The following CNGB1 variants were observed in gnomAD, a reference collection of about 807,000 sequenced individuals.
The protein encoded by CNGB1 is cyclic nucleotide-gated channel beta-1.
A neutral mutation model predicts 151.7 loss-of-function variants in CNGB1; 126 were observed. That is an observed-to-expected ratio of 0.83 (90% CI 0.72 to 0.96). The LOEUF (loss-of-function observed/expected upper bound fraction) is 0.96. CNGB1 is among the 40% of genes least tolerant of loss of function. The pLI, the probability that CNGB1 is intolerant of heterozygous loss-of-function variation, is 0.00. For missense variants in CNGB1, 1,698 were observed against 1,627.0 expected, an observed-to-expected ratio of 1.04 and a Z score of -0.75; for synonymous variants, 623 against 635.1, an observed-to-expected ratio of 0.98 and a Z score of 0.29.
Position 57,897,833 on chromosome 16 carries a change from C to T in CNGB1, c.3058G>A (p.Val1020Met), listed in dbSNP as rs747778655. 2 of 1,614,242 alleles carry T rather than the reference C, an allele frequency of 1.2e-6. No homozygotes were observed. Among genetic ancestry groups the T allele is most frequent in the Non-Finnish European group, 1.7e-6 (2 of 1,180,048 alleles). Residue 1020 changes from valine to methionine, a missense_variant, in exon 30 of 33, where the codon GTG (valine) becomes ATG (methionine). Physicochemically the swap from Val to Met is conservative, Grantham distance 21. Coordinates refer to ENST00000251102, the MANE Select transcript of CNGB1 (RefSeq NM_001297.5). ...LGGPDGKSVL[V>M]TLKAGSVFGE... is the part of the protein sequence containing the mutation. ...AACACAGATCCAGCTTTCAGCGTCA[C>T]CAGCACAGATTTCCCATCAGGGCCG... is the stretch of plus-strand genomic sequence containing the variant.
chr16:57,900,307 C>T (rs1241759782), intron 29 of CNGB1, among the ~76,000 whole-genome samples: 6 of 152,368 alleles, frequency 3.9e-5, no homozygotes, highest in Admixed American at 2.0e-4. Flanking sequence ...CACCCCGGCT[C>T]TCTGCTTCCA....
intron 17 of CNGB1, among the ~76,000 whole-genome samples, chr16:57,924,135 T>C (rs1438834696): frequency 6.6e-6 from 1 of 152,092 alleles, no homozygotes; most frequent in Non-Finnish European, 1.5e-5. Context: ...GGAGCCTGGG[T>C]GTCTGACTTG....
intron 25 of CNGB1, among the ~76,000 whole-genome samples, chr16:57,906,918 A>T (rs1207698647): frequency 6.6e-6 from 1 of 152,168 alleles, no homozygotes. Context: ...CTGGGGCGGG[A>T]TGCAGGGCCT....
At chr16:57,955,262 A>G (rs1597008940) in intron 12 of CNGB1, 4 of 1,548,898 alleles carry the variant, frequency 2.6e-6, no homozygotes, top group Non-Finnish European at 3.5e-6. Context: ...CTCCCCCGGG[A>G]AGGTCTTCTC....
Position 57,940,385 on chromosome 16 carries a change from G to A in CNGB1, c.1122-64C>T. 2.7e-6 allele frequency: 4 copies of A among 1,489,918 alleles called. No homozygotes were observed. The Admixed American group carries it at 5.9e-5, about 22-fold the overall frequency. The allele number at this position is 1,489,918 out of a possible 1,614,324, so 92.3% of individuals were successfully genotyped here. A position where few individuals can be genotyped will look rare whatever the true frequency, so the allele number is the denominator to read the frequency against. ...GGTTAGGGTGTTAAAGGTTTCCCCA[G>A]CCCTGCTGAGGGCCACGCTCTGTGC... On this transcript the variant is annotated intron_variant, in intron 14 of 32. Coordinates refer to ENST00000251102, the MANE Select transcript of CNGB1 (RefSeq NM_001297.5).
At chr16:57,911,171 A>G (rs1960699281) in intron 25 of CNGB1, among the ~76,000 whole-genome samples, 1 of 152,134 alleles carries the variant, frequency 6.6e-6, no homozygotes, top group African/African-American at 2.4e-5. Flanking sequence ...TGCACACCCT[A>G]ATAGAGTTTG....
chr16:57,925,581 A>G (rs963708953), intron 17 of CNGB1, among the ~76,000 whole-genome samples: 10 of 152,338 alleles, frequency 6.6e-5, no homozygotes, highest in Admixed American at 2.0e-4. Context: ...TGGTGAACAC[A>G]GGGCAGCCTT....
chr16:57,890,302 A>G (rs1019134232), intron 31 of CNGB1, among the ~76,000 whole-genome samples: 3 of 152,218 alleles, frequency 2.0e-5, no homozygotes, highest in Non-Finnish European at 4.4e-5. Flanking sequence ...CTAGCTGGAG[A>G]TCCCCCAGGA....
At chr16:57,940,354 G>A in intron 14 of CNGB1, 33 bp from the exon 15 acceptor site, 1 of 1,552,958 alleles carries the variant, frequency 6.4e-7, no homozygotes, top group Non-Finnish European at 8.7e-7. Context: ...GAGGATAAAA[G>A]GACTGGGTTA....
chr16:57,962,046 C>A (rs1014257821), intron 7 of CNGB1, among the ~76,000 whole-genome samples: 3 of 152,198 alleles, frequency 2.0e-5, no homozygotes, highest in Non-Finnish European at 2.9e-5. Context: ...AGGGCCTAAA[C>A]GCCAGCAAGG....
At chr16:57,939,986 G>A (rs1041203965) in intron 15 of CNGB1, among the ~76,000 whole-genome samples, 5 of 152,202 alleles carry the variant, frequency 3.3e-5, no homozygotes, top group African/African-American at 7.2e-5. Context: ...GTGGGGAGGC[G>A]ACTTGCCCCA....
rs1414120570 is a variant in CNGB1 at position 57,931,825 on chromosome 16, T to C, written c.1426A>G (p.Ser476Gly). The change falls in exon 17 of 33, where the codon AGC (serine) becomes GGC (glycine). Residue 476 changes from serine (S) to glycine (G), a missense_variant. By Grantham distance (56) the Ser-to-Gly change is moderately conservative. Transcript: ENST00000251102. ...TTCTCTTCTGCCATGAGGGGGCAGC[T>C]ATCAGCATCAGTATCTTCCACCTGC... ...EVQVEDTDAD[S>G]CPLMAEENPP... The C allele has an allele frequency of 3.1e-6, 5 of 1,614,024 alleles. No individual in the cohort carries two copies. The African/African-American group carries it at 6.7e-5, about 22-fold the overall frequency.
chr16:57,946,029 G>C (rs978087478), intron 14 of CNGB1, among the ~76,000 whole-genome samples: 1 of 152,190 alleles, frequency 6.6e-6, no homozygotes, highest in South Asian at 2.1e-4. Context: ...TATGGCCCCT[G>C]CTTGACAGGG....
At chr16:57,902,645 C>T (rs1281549527) in intron 27 of CNGB1, among the ~76,000 whole-genome samples, 1 of 151,312 alleles carries the variant, frequency 6.6e-6, no homozygotes, top group Non-Finnish European at 1.5e-5. Context: ...TGTTCTGTCA[C>T]TCAGGCTAGA....
intron 1 of CNGB1, among the ~76,000 whole-genome samples, chr16:57,968,867 A>T (rs1597019742): frequency 7.1e-5 from 7 of 98,974 alleles, no homozygotes; most frequent in African/African-American, 3.0e-4. Context: ...TCTCTATTTA[A>T]AAAAAAAAAA....
chr16:57,928,296 T>C (rs1961248533), intron 17 of CNGB1, among the ~76,000 whole-genome samples: 1 of 152,164 alleles, frequency 6.6e-6, no homozygotes, highest in South Asian at 2.1e-4. Context: ...GAAAGGAGCC[T>C]AAGGGCAGAG....
intron 31 of CNGB1, among the ~76,000 whole-genome samples, chr16:57,894,926 G>A (rs1352620969): frequency 6.6e-6 from 1 of 152,226 alleles, no homozygotes; most frequent in Non-Finnish European, 1.5e-5. Flanking sequence ...TTAAAGGGTA[G>A]TGGAGGAAGA....
intron 12 of CNGB1, among the ~76,000 whole-genome samples, chr16:57,953,610 C>T (rs1161886986): frequency 6.6e-6 from 1 of 152,094 alleles, no homozygotes. Flanking sequence ...CCCACCTGGA[C>T]CCCTGGGTCT....
intron 29 of CNGB1, 141 bp from the exon 30 acceptor site, chr16:57,898,055 G>A: frequency 2.4e-6 from 2 of 820,204 alleles, no homozygotes; most frequent in Non-Finnish European, 4.2e-6. Flanking sequence ...AACTTGGGGT[G>A]TCGTGTGGGG....
Sources: allele counts gnomAD v4.1 joint callset (sites outside exome capture counted in the v4.1 genomes callset), GRCh38; gene constraint gnomAD v4.1.1; transcripts MANE v1.5; gene names NCBI Gene and HGNC (gene_info 2026-07-23, HGNC 2026-07-21).